The following YWHAZ variants were observed in gnomAD, a reference collection of about 807,000 sequenced individuals.
YWHAZ encodes the protein 14-3-3 protein zeta/delta.
For synonymous variants in YWHAZ, 87 were observed against 103.6 expected, an observed-to-expected ratio of 0.84 and a Z score of 0.97; for missense variants, 79 against 284.8, an observed-to-expected ratio of 0.28 and a Z score of 5.20.
At chr8:100,951,490 G>A (rs1002047346) in intron 1 of YWHAZ, 7 of 985,504 alleles carry the variant, frequency 7.1e-6, no homozygotes, top group Middle Eastern at 5.2e-4. Flanking sequence ...CGCCGCCGCC[G>A]AGTCATTATC....
At chr8:100,933,439 T>A (rs1813899815) in intron 2 of YWHAZ, among the ~76,000 whole-genome samples, 1 of 152,112 alleles carries the variant, frequency 6.6e-6, no homozygotes, top group African/African-American at 2.4e-5. Flanking sequence ...GTGGTCGGCA[T>A]ATCACTTTTA....
chr8:100,938,976 A>C (rs1367978307), intron 2 of YWHAZ, among the ~76,000 whole-genome samples: 1 of 152,252 alleles, frequency 6.6e-6, no homozygotes, highest in Non-Finnish European at 1.5e-5. Flanking sequence ...AAATAAGGTC[A>C]TCTATAAGCA....
At chr8:100,926,773 C>T (rs1190062887) in intron 2 of YWHAZ, among the ~76,000 whole-genome samples, 1 of 152,218 alleles carries the variant, frequency 6.6e-6, no homozygotes, top group Admixed American at 6.5e-5. Flanking sequence ...ATGCTTTTTA[C>T]CACCTATGGT....
At chr8:100,925,753 A>G (rs958665454) in intron 2 of YWHAZ, among the ~76,000 whole-genome samples, 13 of 152,082 alleles carry the variant, frequency 8.5e-5, no homozygotes, top group Non-Finnish European at 1.5e-4. Flanking sequence ...TAAAACTACT[A>G]TTACAATCTG....
At chr8:100,939,778 T>C (rs1272844766) in intron 2 of YWHAZ, among the ~76,000 whole-genome samples, 1 of 152,148 alleles carries the variant, frequency 6.6e-6, no homozygotes, top group East Asian at 1.9e-4. Flanking sequence ...TCTCAGCACT[T>C]TGGGAGGCCG....
intron 2 of YWHAZ, among the ~76,000 whole-genome samples, chr8:100,944,410 A>G (rs1440974359): frequency 6.6e-6 from 1 of 152,244 alleles, no homozygotes; most frequent in Non-Finnish European, 1.5e-5. Flanking sequence ...CAGCAATAAA[A>G]TAGAACTCAG....
At position 100,919,025 on chromosome 8, in the gene YWHAZ, C is replaced by A. The variant is rs1300240514; in HGVS notation, c.*1668G>T. 2.0e-5 allele frequency: 3 copies of A among 152,212 alleles called. No individual in the cohort carries two copies. The highest frequency in any genetic ancestry group is 4.4e-5 in the Non-Finnish European group (3 of 68,040). The allele number at this position is 152,212 out of a possible 1,614,324, so 9.4% of individuals were successfully genotyped here. A position where few individuals can be genotyped will look rare whatever the true frequency, so the allele number is the denominator to read the frequency against. ...AGGTAGGGTTTTAAAGGGAGATAAA[C>A]ACAGTCTCATCAACTAAGGAGAGAT... On this transcript the variant is annotated 3_prime_UTR_variant, in exon 6 of 6. Coordinates refer to ENST00000395958, the MANE Select transcript of YWHAZ (RefSeq NM_145690.3).
chr8:100,917,511 A>G lies in YWHAZ; in HGVS notation c.*3182T>C, dbSNP rs1812755032. 6.6e-6 allele frequency: 1 copy of G among 152,080 alleles called. No individual in the cohort carries two copies. The highest frequency in any genetic ancestry group is 6.5e-5 in the Admixed American group (1 of 15,280). The allele number at this position is 152,080 out of a possible 1,614,324, so 9.4% of individuals were successfully genotyped here. On this transcript the variant is annotated 3_prime_UTR_variant, in exon 6 of 6. Coordinates refer to ENST00000395958, the MANE Select transcript of YWHAZ (RefSeq NM_145690.3). ...GAGGTGGGCGGATCACAAGGTCAGGAGAATGAGACCATCATGGCTAACACG... is the reference window on the plus strand; with the variant it reads ...GAGGTGGGCGGATCACAAGGTCAGGGGAATGAGACCATCATGGCTAACACG...
chr8:100,929,624 A>C (rs536916051), intron 2 of YWHAZ, among the ~76,000 whole-genome samples: 1 of 152,352 alleles, frequency 6.6e-6, no homozygotes, highest in Non-Finnish European at 1.5e-5. Flanking sequence ...TATTTCTACT[A>C]TCTAACCGGA....
chr8:100,935,192 A>T (rs2130233760), intron 2 of YWHAZ: 1 of 152,250 alleles, frequency 6.6e-6, no homozygotes, highest in South Asian at 2.1e-4. Context: ...CTTTTCACAC[A>T]CATATATACT....
chr8:100,924,516 C>T lies in YWHAZ; in HGVS notation c.419-218G>A, dbSNP rs563264052. On this transcript the variant is annotated intron_variant, in intron 3 of 5. Transcript: ENST00000395958. This position sits in a 1 kb window ranked among gnomAD's most constrained non-coding sequence, Gnocchi z 5.7. ...TCAAGATAAAACAACTTTATAATCT[C>T]ATTATTGTTATGTTTTTAAAAAATT... is the stretch of plus-strand genomic sequence containing the variant. Among the ~76,000 whole-genome samples, 1 of 151,942 alleles carries T rather than the reference C, an allele frequency of 6.6e-6. No individual in the cohort carries two copies. The highest frequency in any genetic ancestry group is 1.9e-4 in the East Asian group (1 of 5,172).
intron 5 of YWHAZ, among the ~76,000 whole-genome samples, chr8:100,920,956 C>T (rs907956028): frequency 6.6e-6 from 1 of 152,168 alleles, no homozygotes; most frequent in African/African-American, 2.4e-5. Context: ...AGGTTAAGTA[C>T]ACCACAGAGT....
upstream of YWHAZ, chr8:100,952,985 G>C (rs1195127984): frequency 1.0e-6 from 1 of 1,000,650 alleles, no homozygotes; most frequent in Non-Finnish European, 1.2e-6. Flanking sequence ...GTGACTGCGC[G>C]AGGGGACAAT....
chr8:100,923,455 G>A (rs1425952140), intron 5 of YWHAZ: 1 of 152,286 alleles, frequency 6.6e-6, no homozygotes, highest in South Asian at 2.1e-4. Flanking sequence ...GATGTTCCTG[G>A]TGTGATAGTG....
intron 2 of YWHAZ, among the ~76,000 whole-genome samples, chr8:100,925,524 T>TA (rs1198634960): frequency 6.6e-6 from 1 of 152,076 alleles, no homozygotes; most frequent in Non-Finnish European, 1.5e-5. Flanking sequence ...AGGAACAAAA[T>TA]AAACTTCATT....
At chr8:100,938,632 A>G (rs1461928191) in intron 2 of YWHAZ, among the ~76,000 whole-genome samples, 1 of 152,172 alleles carries the variant, frequency 6.6e-6, no homozygotes, top group Non-Finnish European at 1.5e-5. Flanking sequence ...TATAATTTTT[A>G]TTCTGTAGAG....
intron 2 of YWHAZ, among the ~76,000 whole-genome samples, chr8:100,944,602 C>A (rs1035970890): frequency 1.3e-5 from 2 of 152,132 alleles, no homozygotes; most frequent in African/African-American, 2.4e-5. Flanking sequence ...TTGGCATGGA[C>A]CTTCTGCCCC....
At chr8:100,938,082 A>G (rs1814293221) in intron 2 of YWHAZ, among the ~76,000 whole-genome samples, 1 of 152,190 alleles carries the variant, frequency 6.6e-6, no homozygotes, top group African/African-American at 2.4e-5. Context: ...GTGAGCCAAG[A>G]TCATGCCATT....
intron 2 of YWHAZ, among the ~76,000 whole-genome samples, chr8:100,931,541 A>G (rs1435822379): frequency 1.3e-5 from 2 of 152,306 alleles, no homozygotes; most frequent in Non-Finnish European, 2.9e-5. Flanking sequence ...CAAATCGTAT[A>G]AACTCTAAAA....
Sources: allele counts gnomAD v4.1 joint callset (sites outside exome capture counted in the v4.1 genomes callset), GRCh38; gene constraint gnomAD v4.1.1; non-coding constraint Gnocchi (gnomAD v3.1); transcripts MANE v1.5; gene names NCBI Gene and HGNC (gene_info 2026-07-23, HGNC 2026-07-21).